The following SERAC1 variants were observed in gnomAD, a reference collection of about 807,000 sequenced individuals.
SERAC1 encodes the protein serine active site containing 1, also known as protein SERAC1.
Under a neutral mutation model 85.7 loss-of-function variants are expected in SERAC1, and 36 were observed. The ratio of observed to expected loss-of-function variants is 0.42; its 90% CI spans 0.32 to 0.55. The LOEUF (loss-of-function observed/expected upper bound fraction) is 0.55. SERAC1 is among the 20% of genes least tolerant of loss of function. The pLI is 0.11. For missense variants in SERAC1, 629 were observed against 796.2 expected, an observed-to-expected ratio of 0.79 and a Z score of 2.53; for synonymous variants, 242 against 265.3, an observed-to-expected ratio of 0.91 and a Z score of 0.85.
Position 158,143,191 on chromosome 6 carries a change from T to C in SERAC1, c.610-7A>G. 6.2e-7 allele frequency: 1 copy of C among 1,609,072 alleles called. No homozygotes were observed. Among genetic ancestry groups the C allele is most frequent in the Non-Finnish European group, 8.5e-7 (1 of 1,178,568 alleles). On this transcript the variant is annotated splice_polypyrimidine_tract_variant and splice_region_variant and intron_variant, in intron 7 of 16. Coordinates refer to ENST00000647468, the MANE Select transcript of SERAC1 (RefSeq NM_032861.4). ...CTTCTTCAGTGGAAGAATCCTGAAA[T>C]AAAAGGAAAGGAAATTCTTCATAAA...
intron 15 of SERAC1, chr6:158,114,496 G>A: frequency 6.0e-6 from 7 of 1,158,758 alleles, no homozygotes; most frequent in Non-Finnish European, 7.4e-6. Context: ...GCCATTTATT[G>A]GTAATTTGGA....
chr6:158,139,762 TA>T (rs903724638), intron 8 of SERAC1, among the ~76,000 whole-genome samples: 2 of 151,264 alleles, frequency 1.3e-5, no homozygotes, highest in East Asian at 3.9e-4. Flanking sequence ...AATCACTAGT[TA>T]AAAAAAAATT....
chr6:158,114,558 TTAAGA>T (rs959377672), intron 15 of SERAC1: 16 of 1,220,800 alleles, frequency 1.3e-5, no homozygotes, highest in Non-Finnish European at 1.6e-5. Flanking sequence ...TTTTAAGTAT[TTAAGA>T]TAATATTAAA....
chr6:158,128,095 A>G lies in SERAC1; in HGVS notation c.1015+13T>C, dbSNP rs747361973. 2.5e-6 allele frequency: 4 copies of G among 1,612,402 alleles called. No individual in the cohort carries two copies. Among genetic ancestry groups the G allele is most frequent in the Non-Finnish European group, 3.4e-6 (4 of 1,178,846 alleles). ...GAACAAAGTAAAAAATACTCAGTAT[A>G]TAAAGCTGTTACCTGAGCGAACTAT... On this transcript the variant is annotated intron_variant, in intron 10 of 16. Coordinates refer to ENST00000647468, the MANE Select transcript of SERAC1 (RefSeq NM_032861.4).
chr6:158,156,901 TATTAATATATTTATATAA>T, intron 2 of SERAC1, among the ~76,000 whole-genome samples: 1 of 97,000 alleles, frequency 1.0e-5, no homozygotes, highest in Non-Finnish European at 2.5e-5. Context: ...TTTATATAGA[TATTAATATATTTATATAA>T]ATATTAATAT....
At chr6:158,143,019 A>C (rs1195196024) in intron 8 of SERAC1, 37 bp downstream of exon 8, 1 of 1,537,806 alleles carries the variant, frequency 6.5e-7, no homozygotes, top group Admixed American at 1.8e-5. Flanking sequence ...AAGGGTGGAC[A>C]CTCAAAAATA....
chr6:158,130,130 G>C (rs552933542), intron 9 of SERAC1, among the ~76,000 whole-genome samples: 1 of 152,194 alleles, frequency 6.6e-6, no homozygotes, highest in East Asian at 1.9e-4. Flanking sequence ...TTAGATGATA[G>C]GCTGCTTTCT....
chr6:158,113,477 C>T lies in SERAC1; in HGVS notation c.1800G>A (p.Lys600=). ...TLPTYIGSMI[K]LHVVPVESAD... ...CTGATTCCACAGGTACCACATGGAG[C>T]TTAATCATGCTGCCAATGTAGGTTG... is the stretch of plus-strand genomic sequence containing the variant. Residue 600 remains lysine (K), a synonymous_variant, in exon 16 of 17, where the codon AAG becomes AAA. Coordinates refer to ENST00000647468, the MANE Select transcript of SERAC1 (RefSeq NM_032861.4). 6.2e-7 allele frequency: 1 copy of T among 1,614,014 alleles called. No individual in the cohort carries two copies. Among genetic ancestry groups the T allele is most frequent in the South Asian group, 1.1e-5 (1 of 91,064 alleles).
intron 8 of SERAC1, among the ~76,000 whole-genome samples, chr6:158,139,230 G>GAACATTT (rs1784863028): frequency 1.3e-5 from 2 of 152,088 alleles, no homozygotes; most frequent in Non-Finnish European, 2.9e-5. Flanking sequence ...TAAAACATTT[G>GAACATTT]GGGTGCACAG....
intron 2 of SERAC1, among the ~76,000 whole-genome samples, chr6:158,156,875 T>TATATA: frequency 1.1e-5 from 1 of 91,838 alleles, no homozygotes; most frequent in Admixed American, 1.4e-4. Flanking sequence ...AATATATTTA[T>TATATA]ATAGATATTA....
chr6:158,121,318 T>C (rs991055360), intron 10 of SERAC1, among the ~76,000 whole-genome samples: 8 of 152,138 alleles, frequency 5.3e-5, no homozygotes, highest in African/African-American at 1.7e-4. Context: ...ATATCTATTT[T>C]CTGAAGTACG....
At position 158,130,487 on chromosome 6, in the gene SERAC1, C is replaced by G. The variant is rs1784648832; in HGVS notation, c.739-1G>C. The stretch of plus-strand genomic sequence containing the variant: ...TTCCTCCAAAACACCATAAACCACC[C>G]TGAAATTAAAATAATTAAAATTTTT... On this transcript the variant is annotated splice_acceptor_variant, in intron 8 of 16. Transcript: ENST00000647468. LOFTEE classifies it high-confidence loss of function. The G allele has an allele frequency of 6.5e-7, 1 of 1,542,234 alleles. No homozygotes were observed. The highest frequency in any genetic ancestry group is 8.8e-7 in the Non-Finnish European group (1 of 1,141,142).
intron 8 of SERAC1, among the ~76,000 whole-genome samples, chr6:158,137,073 G>A (rs1236731584): frequency 2.0e-5 from 3 of 151,544 alleles, no homozygotes; most frequent in South Asian, 2.1e-4. Context: ...CAGGAGAATC[G>A]CTTGAATGCG....
chr6:158,120,626 C>A lies in SERAC1; in HGVS notation c.1016-51G>T. 6.3e-7 allele frequency: 1 copy of A among 1,575,702 alleles called. No homozygotes were observed. The highest frequency in any genetic ancestry group is 8.6e-7 in the Non-Finnish European group (1 of 1,159,388). Reference sequence around the variant, plus strand: ...ATACTGATGTGAATCCATCGCAGACCACAGAGAGAGTGAGGTTTCAAACTG... The same window carrying A: ...ATACTGATGTGAATCCATCGCAGACAACAGAGAGAGTGAGGTTTCAAACTG... On this transcript the variant is annotated intron_variant, in intron 10 of 16. Transcript: ENST00000647468. The surrounding 1 kb of genome is among the most constrained non-coding windows in gnomAD (Gnocchi z 4.4).
chr6:158,114,461 G>A (rs1261082194), intron 15 of SERAC1: 1 of 1,095,410 alleles, frequency 9.1e-7, no homozygotes. Context: ...AACAGTTGAT[G>A]ATTCTCCACT....
intron 6 of SERAC1, among the ~76,000 whole-genome samples, chr6:158,145,031 G>C (rs1220199037): frequency 1.3e-5 from 2 of 152,154 alleles, no homozygotes; most frequent in Non-Finnish European, 1.5e-5. Flanking sequence ...ATCATTTGAG[G>C]TCAGGAGTTC....
intron 5 of SERAC1, 51 bp downstream of exon 5, chr6:158,148,814 A>G (rs374652087): frequency 2.8e-5 from 36 of 1,292,822 alleles, no homozygotes; most frequent in Non-Finnish European, 3.7e-5. Context: ...GATCATTCCA[A>G]TGACTTTCAG....
chr6:158,161,861 C>T (rs895424536), intron 1 of SERAC1: 2 of 152,166 alleles, frequency 1.3e-5, no homozygotes, highest in Admixed American at 1.3e-4. Flanking sequence ...TAGAGACCAC[C>T]TCTCTGGTCT....
intron 1 of SERAC1, chr6:158,160,844 ATTTTAT>A (rs1176443618): frequency 6.6e-6 from 1 of 151,640 alleles, no homozygotes. Context: ...TTTTAATTCC[ATTTTAT>A]TTTTAAACAT....
Sources: gnomAD v4.1 joint callset for allele counts (sites outside exome capture counted in the v4.1 genomes callset) on GRCh38, gnomAD v4.1.1 for gene constraint, Gnocchi (gnomAD v3.1) non-coding constraint, MANE v1.5 for transcripts, NCBI Gene and HGNC (gene_info 2026-07-23, HGNC 2026-07-21) for gene names.